SMAD6: variants seen among roughly 807,000 people sequenced by gnomAD.
SMAD6 encodes SMAD family member 6, also known as MAD homolog 6.
SMAD6 carries 103 observed loss-of-function variants against 39.4 expected under a neutral mutation model. The observed-to-expected ratio is 2.62, with a 90% CI of 2.23 to 3.08. The LOEUF is 3.08. Ranked by LOEUF, SMAD6 falls within the 30% of genes most tolerant of loss-of-function variation. The pLI is 0.00. For missense variants in SMAD6, 1,104 were observed against 742.9 expected (o/e 1.49, Z -5.65); for synonymous variants, 445 against 353.3 (o/e 1.26, Z -2.91).
At chr15:66,737,013 C>T (rs1163480361) in intron 3 of SMAD6, among the ~76,000 whole-genome samples, 1 of 152,176 alleles carries the variant, frequency 6.6e-6, no homozygotes, top group Non-Finnish European at 1.5e-5. Flanking sequence ...TAACATGCAC[C>T]CAGGGCCAAG....
rs755274303 is a variant in SMAD6 at position 66,708,683 on chromosome 15, G to A, written c.818-2985G>A. The A allele has an allele frequency of 4.9e-4, 230 of 469,742 alleles. 1 individual carries two copies. The Admixed American group carries it at 5.4e-3, about 11-fold the overall frequency. The allele number at this position is 469,742 out of a possible 1,614,324, so 29.1% of individuals were successfully genotyped here. A position where few individuals can be genotyped will look rare whatever the true frequency, so the allele number is the denominator to read the frequency against. On this transcript the variant is annotated intron_variant, in intron 1 of 3. Coordinates refer to ENST00000288840, the MANE Select transcript of SMAD6 (RefSeq NM_005585.5). ...TGAAAGAAGAAGCCAGCCACAAAAG[G>A]CCATATATTGTATGAAATGAAATGT...
intron 3 of SMAD6, among the ~76,000 whole-genome samples, chr15:66,727,836 A>G (rs1352338992): frequency 6.6e-6 from 1 of 151,712 alleles, no homozygotes; most frequent in East Asian, 1.9e-4. Flanking sequence ...CATGTGAACA[A>G]TTTTCACAAA....
intron 3 of SMAD6, among the ~76,000 whole-genome samples, chr15:66,742,152 G>A (rs1893826220): frequency 1.3e-5 from 2 of 152,162 alleles, no homozygotes; most frequent in African/African-American, 4.8e-5. Flanking sequence ...TGGAATTCTT[G>A]TGGCAATTTG....
In SMAD6 at chr15:66,781,066, C is replaced by T. The variant is rs151259317; in HGVS notation, c.1022C>T (p.Thr341Met). ...AGCGTGGCGTACTGGGAGCACCGGA[C>T]GCGCGTGGGCCGCCTCTATGCGGTG... is the stretch of plus-strand genomic sequence containing the variant. Reference protein sequence around the residue: ...WCSVAYWEHRTRVGRLYAVYD... With the variant: ...WCSVAYWEHRMRVGRLYAVYD... Residue 341 changes from threonine to methionine, a missense_variant, in exon 4 of 4, where the codon ACG (threonine) becomes ATG (methionine). Physicochemically the swap from Thr to Met is moderately conservative, Grantham distance 81. Coordinates refer to ENST00000288840, the MANE Select transcript of SMAD6 (RefSeq NM_005585.5). The T allele has an allele frequency of 6.9e-6, 11 of 1,604,024 alleles. No individual in the cohort carries two copies. Among genetic ancestry groups the T allele is most frequent in the Non-Finnish European group, 8.5e-6 (10 of 1,178,530 alleles).
chr15:66,711,392 T>G (rs1893223159), intron 1 of SMAD6, among the ~76,000 whole-genome samples: 1 of 152,168 alleles, frequency 6.6e-6, no homozygotes. Flanking sequence ...ATTATCCTCA[T>G]TTTAGAGCTG....
At chr15:66,734,523 T>G (rs2439385) in intron 3 of SMAD6, among the ~76,000 whole-genome samples, 108,812 of 152,110 alleles carry the variant, frequency 0.72, 38,937 homozygotes, top group East Asian at 0.84. Flanking sequence ...TGCCAGGAGC[T>G]GCTCTAAGTA....
chr15:66,728,656 C>T lies in SMAD6; in HGVS notation c.952+12158C>T, dbSNP rs189061678. ...TCCTGACCTCGTGATCTGCCCGCCT[C>T]GGCCTCGCAAAGCGCTGGGATTACA... is the stretch of plus-strand genomic sequence containing the variant. On this transcript the variant is annotated intron_variant, in intron 3 of 3. Transcript: ENST00000288840. Among the ~76,000 whole-genome samples, 821 of 152,196 alleles carry T rather than the reference C, an allele frequency of 5.4e-3. 8 individuals are homozygous for T. The highest frequency in any genetic ancestry group is 0.019 in the African/African-American group (781 of 41,510).
chr15:66,708,807 T>C (rs1407891977), intron 1 of SMAD6: 8 of 455,876 alleles, frequency 1.8e-5, no homozygotes, highest in Admixed American at 1.2e-4. Flanking sequence ...GGATGGTGTT[T>C]CTTTTTGCGA....
At chr15:66,773,051 T>C (rs752830839) in intron 3 of SMAD6, among the ~76,000 whole-genome samples, 1 of 152,116 alleles carries the variant, frequency 6.6e-6, no homozygotes, top group East Asian at 1.9e-4. Flanking sequence ...TGGAGGGTGG[T>C]GGCCAGTGTA....
Position 66,704,024 on chromosome 15 carries a change from G to T in SMAD6, c.766G>T (p.Gly256Cys). 6.6e-7 allele frequency: 1 copy of T among 1,506,524 alleles called. No homozygotes were observed. Among genetic ancestry groups the T allele is most frequent in the Non-Finnish European group, 8.8e-7 (1 of 1,136,738 alleles). The allele number at this position is 1,506,524 out of a possible 1,614,324, so 93.3% of individuals were successfully genotyped here. ...GCHSFAAAAD[G>C]PTVCCNPYHF... The stretch of plus-strand genomic sequence containing the variant: ...CCACAGCTTCGCCGCCGCCGCCGAC[G>T]GCCCTACCGTGTGCTGCAACCCCTA... The change falls in exon 1 of 4, where the codon GGC becomes TGC. Residue 256 changes from glycine to cysteine, a missense_variant. Physicochemically the swap from Gly to Cys is radical, Grantham distance 159. Transcript: ENST00000288840.
chr15:66,741,579 C>T (rs913298934), intron 3 of SMAD6, among the ~76,000 whole-genome samples: 1 of 152,168 alleles, frequency 6.6e-6, no homozygotes, highest in African/African-American at 2.4e-5. Flanking sequence ...TTAACCCTGA[C>T]TGGGAACCAT....
chr15:66,757,641 A>C (rs1595791218), intron 3 of SMAD6, among the ~76,000 whole-genome samples: 1 of 151,770 alleles, frequency 6.6e-6, no homozygotes, highest in East Asian at 1.9e-4. Flanking sequence ...TAGCTCTGAC[A>C]CTCTGGGGAG....
chr15:66,763,438 T>C (rs1358112940), intron 3 of SMAD6, among the ~76,000 whole-genome samples: 2 of 152,200 alleles, frequency 1.3e-5, no homozygotes, highest in African/African-American at 4.8e-5. Flanking sequence ...CTCTCGTCAG[T>C]GCCGCCTCCC....
chr15:66,717,551 T>C lies in SMAD6; in HGVS notation c.952+1053T>C, dbSNP rs775875978. On this transcript the variant is annotated intron_variant, in intron 3 of 3. Transcript: ENST00000288840. ...ATTTCCCCTAAAGTCCTGTCGTTCT[T>C]GATGTAGTCTCTCTGCAACTCTAAG... is the stretch of plus-strand genomic sequence containing the variant. The C allele has an allele frequency of 7.2e-4, 308 of 429,976 alleles. 1 individual carries two copies. Among genetic ancestry groups the C allele is most frequent in the Non-Finnish European group, 1.1e-3 (224 of 207,866 alleles). The allele number at this position is 429,976 out of a possible 1,614,324, so 26.6% of individuals were successfully genotyped here. A position where few individuals can be genotyped will look rare whatever the true frequency, so the allele number is the denominator to read the frequency against.
intron 3 of SMAD6, among the ~76,000 whole-genome samples, chr15:66,769,341 C>T (rs771389415): frequency 5.9e-5 from 9 of 152,160 alleles, no homozygotes; most frequent in Non-Finnish European, 8.8e-5. Flanking sequence ...TTTCACTGGG[C>T]CCTCAAAAGT....
chr15:66,725,905 C>T (rs1324885644), intron 3 of SMAD6, among the ~76,000 whole-genome samples: 5 of 152,184 alleles, frequency 3.3e-5, no homozygotes, highest in East Asian at 1.9e-4. Flanking sequence ...CTGTGTCCTC[C>T]GAGTGTCCCA....
intron 3 of SMAD6, among the ~76,000 whole-genome samples, chr15:66,757,235 C>A (rs973380039): frequency 2.6e-5 from 4 of 152,198 alleles, no homozygotes; most frequent in Non-Finnish European, 5.9e-5. Context: ...CTGCCAACTC[C>A]AATACGCAGG....
chr15:66,730,065 T>C (rs2469081), intron 3 of SMAD6, among the ~76,000 whole-genome samples: 115,625 of 152,158 alleles, frequency 0.76, 44,135 homozygotes, highest in East Asian at 0.95. Flanking sequence ...TCAGACCCTC[T>C]TGCCCAGATG....
At position 66,759,627 on chromosome 15, in the gene SMAD6, C is replaced by G. The variant is rs79335187; in HGVS notation, c.953-21370C>G. Among the ~76,000 whole-genome samples the G allele has an allele frequency of 3.3e-5, 5 of 152,258 alleles. No homozygotes were observed. The East Asian group carries it at 9.6e-4, about 29-fold the overall frequency. ...ATCCCACCGTGCTTTGTTGGATCTT[C>G]GTTTACTCCTTTTATTTTTTAAACT... is the stretch of plus-strand genomic sequence containing the variant. On this transcript the variant is annotated intron_variant, in intron 3 of 3. Transcript: ENST00000288840.
Sources: gnomAD v4.1 joint callset for allele counts (sites outside exome capture counted in the v4.1 genomes callset) on GRCh38, gnomAD v4.1.1 for gene constraint, MANE v1.5 for transcripts, NCBI Gene and HGNC (gene_info 2026-07-23, HGNC 2026-07-21) for gene names.